DCC: variants seen among roughly 807,000 people sequenced by gnomAD.
DCC encodes netrin receptor DCC.
In DCC, 58 loss-of-function variants were observed where a neutral mutation model predicts 172.5. That is an observed-to-expected ratio of 0.34 (90% CI 0.27 to 0.42). DCC has a LOEUF of 0.42. DCC is among the 10% of genes least tolerant of loss of function. DCC has a pLI of 1.00. For missense variants in DCC, 1,740 were observed against 1,791.0 expected (o/e 0.97, Z 0.51); for synonymous variants, 709 against 644.5 (o/e 1.10, Z -1.52).
rs372094417 is a variant in DCC, at chr18:53,058,403, T to A, written c.986-4902T>A. Among the ~76,000 whole-genome samples the A allele has an allele frequency of 5.3e-5, 8 of 152,212 alleles. 1 individual carries two copies. The highest frequency in any genetic ancestry group is 1.4e-4 in the African/African-American group (6 of 41,568). ...ATTGACAACATTTTGAGAACAGAAG[T>A]GGTATAATGAAAGTTTTCTCATAAT... On this transcript the variant is annotated intron_variant, in intron 5 of 28. Coordinates refer to ENST00000442544, the MANE Select transcript of DCC (RefSeq NM_005215.4).
At chr18:53,492,390 T>C (rs760032914) in intron 26 of DCC, among the ~76,000 whole-genome samples, 1 of 152,214 alleles carries the variant, frequency 6.6e-6, no homozygotes, top group African/African-American at 2.4e-5. Flanking sequence ...CGTGCTTATG[T>C]CCTGAATGGT....
chr18:53,360,662 T>G (rs533653700), intron 15 of DCC, among the ~76,000 whole-genome samples: 2 of 152,280 alleles, frequency 1.3e-5, no homozygotes, highest in South Asian at 4.1e-4. Context: ...CAAACAGAAC[T>G]ACAATAAAGC....
chr18:53,005,996 G>C (rs1439957378), intron 5 of DCC, among the ~76,000 whole-genome samples: 2 of 152,104 alleles, frequency 1.3e-5, no homozygotes, highest in African/African-American at 4.8e-5. Flanking sequence ...GAAGATTCAG[G>C]GGTTGCTGGA....
Position 53,385,937 on chromosome 18 carries a change from T to C in DCC, c.2360-106T>C, listed in dbSNP as rs1393463858. ...CCAACTCACTCATTCTTAAACAATT[T>C]ACCAAGTAGATTATATGAAATTTGT... On this transcript the variant is annotated intron_variant, in intron 15 of 28. Transcript: ENST00000442544. 6.3e-6 allele frequency: 5 copies of C among 797,056 alleles called. No homozygotes were observed. In the South Asian group the frequency reaches 7.1e-5, roughly 11 times the overall value. The allele number at this position is 797,056 out of a possible 1,614,324, so 49.4% of individuals were successfully genotyped here. A position where few individuals can be genotyped will look rare whatever the true frequency, so the allele number is the denominator to read the frequency against.
chr18:52,444,453 C>T (rs1213735300), intron 1 of DCC, among the ~76,000 whole-genome samples: 1 of 152,118 alleles, frequency 6.6e-6, no homozygotes, highest in East Asian at 1.9e-4. Flanking sequence ...CCAATAAATG[C>T]CTGCCAAATA....
chr18:53,158,511 G>C (rs999797791), intron 8 of DCC, among the ~76,000 whole-genome samples: 2 of 152,112 alleles, frequency 1.3e-5, no homozygotes, highest in African/African-American at 4.8e-5. Context: ...AATTCAAAAG[G>C]GGACATATAC....
rs1020558734 is a variant in DCC at position 52,439,217 on chromosome 18, G to T, written c.91+98339G>T. Among the ~76,000 whole-genome samples, 27 of 91,636 alleles carry T rather than the reference G, an allele frequency of 2.9e-4. 1 individual carries two copies. The highest frequency in any genetic ancestry group is 1.3e-3 in the African/African-American group (26 of 19,420). The allele number at this position is 91,636 out of a possible 152,430, so 60.1% of individuals were successfully genotyped here. On this transcript the variant is annotated intron_variant, in intron 1 of 28. Coordinates refer to ENST00000442544, the MANE Select transcript of DCC (RefSeq NM_005215.4). ...GTGTGTGTGTGTGTGTGTGTAGTTT[G>T]GTTTCCCTAATCACAGAAAAAAATA...
At chr18:53,227,556 A>T (rs561569969) in intron 12 of DCC, among the ~76,000 whole-genome samples, 3 of 152,226 alleles carry the variant, frequency 2.0e-5, no homozygotes, top group African/African-American at 4.8e-5. Flanking sequence ...AGCATTTTGT[A>T]TAAAGTGTAT....
intron 27 of DCC, among the ~76,000 whole-genome samples, chr18:53,512,889 A>G (rs1316881128): frequency 1.3e-5 from 2 of 152,210 alleles, no homozygotes; most frequent in Admixed American, 6.5e-5. Flanking sequence ...AACACTCTGC[A>G]GGATATTATC....
intron 7 of DCC, among the ~76,000 whole-genome samples, chr18:53,131,965 T>G (rs1297059707): frequency 6.8e-6 from 1 of 146,400 alleles, no homozygotes; most frequent in South Asian, 2.3e-4. Context: ...TTTTTTTTTT[T>G]TTTTTTTTTT....
chr18:52,585,752 T>C (rs915504485), intron 1 of DCC, among the ~76,000 whole-genome samples: 6 of 152,198 alleles, frequency 3.9e-5, no homozygotes, highest in African/African-American at 1.4e-4. Flanking sequence ...TCTACTCTTC[T>C]TCAGAATTTA....
intron 7 of DCC, among the ~76,000 whole-genome samples, chr18:53,153,553 T>C (rs2054678794): frequency 6.6e-6 from 1 of 152,236 alleles, no homozygotes; most frequent in African/African-American, 2.4e-5. Flanking sequence ...TTTCAGACTC[T>C]GTTTTAATGT....
At chr18:52,498,363 G>A (rs976437478) in intron 1 of DCC, among the ~76,000 whole-genome samples, 7 of 152,082 alleles carry the variant, frequency 4.6e-5, no homozygotes, top group African/African-American at 1.7e-4. Flanking sequence ...GTGGCTCATG[G>A]CTGTAATCCC....
At position 53,166,401 on chromosome 18, in the gene DCC, A is replaced by G. The variant is rs537247399; in HGVS notation, c.1418+8889A>G. 2.5e-4 allele frequency among the ~76,000 whole-genome samples: 38 copies of G among 152,298 alleles called. No homozygotes were observed. In the South Asian group the frequency reaches 7.7e-3, roughly 31 times the overall value. On this transcript the variant is annotated intron_variant, in intron 8 of 28. Transcript: ENST00000442544. ...GAGGATTGGGACAGAGATATGTATCAGGAATGTGTCAGCATGTGGATGCTC... is the reference window on the plus strand; with the variant it reads ...GAGGATTGGGACAGAGATATGTATCGGGAATGTGTCAGCATGTGGATGCTC...
intron 12 of DCC, 59 bp downstream of exon 12, chr18:53,215,656 C>A (rs1388266697): frequency 1.5e-6 from 2 of 1,342,278 alleles, no homozygotes; most frequent in Non-Finnish European, 2.1e-6. Flanking sequence ...TCATGTATAA[C>A]CTTCACTCAC....
In DCC at chr18:53,460,425, TC is replaced by T. The variant is rs1204466503; in HGVS notation, c.3619+973del. Among the ~76,000 whole-genome samples, 225 of 60,746 alleles carry T rather than the reference TC, an allele frequency of 3.7e-3. 1 individual carries two copies. The highest frequency in any genetic ancestry group is 0.011 in the Admixed American group (50 of 4,692). The allele number at this position is 60,746 out of a possible 152,430, so 39.9% of individuals were successfully genotyped here. On this transcript the variant is annotated intron_variant, in intron 24 of 28. Coordinates refer to ENST00000442544, the MANE Select transcript of DCC (RefSeq NM_005215.4). ...GAGGTATATCTCCCAGTGCTATCCC[TC>T]CCCCCTCCCCCCACCCCACAACAGT...
chr18:52,722,361 C>T (rs2036485646), intron 1 of DCC, among the ~76,000 whole-genome samples: 1 of 152,104 alleles, frequency 6.6e-6, no homozygotes, highest in African/African-American at 2.4e-5. Context: ...CCTTTCCTAC[C>T]TTTCACCATT....
At chr18:52,640,005 G>T (rs557961969) in intron 1 of DCC, among the ~76,000 whole-genome samples, 1 of 152,258 alleles carries the variant, frequency 6.6e-6, no homozygotes, top group African/African-American at 2.4e-5. Flanking sequence ...ATATCAAGAA[G>T]ATATTCCACC....
At chr18:53,069,616 A>G (rs1229878708) in intron 7 of DCC, among the ~76,000 whole-genome samples, 5 of 142,394 alleles carry the variant, frequency 3.5e-5, no homozygotes, top group Non-Finnish European at 7.4e-5. Flanking sequence ...CTGCTCCACA[A>G]AAACAAAAAA....
Sources: allele counts gnomAD v4.1 joint callset (sites outside exome capture counted in the v4.1 genomes callset), GRCh38; gene constraint gnomAD v4.1.1; transcripts MANE v1.5; gene names NCBI Gene and HGNC (gene_info 2026-07-23, HGNC 2026-07-21).